Variants in DOCK4 observed in about 807,000 individuals in gnomAD.
The protein encoded by DOCK4 is dedicator of cytokinesis 4, also known as dedicator of cytokinesis protein 4.
In DOCK4, 97 loss-of-function variants were observed where a neutral mutation model predicts 268.1. That is an observed-to-expected ratio of 0.36 (90% CI 0.31 to 0.43). The LOEUF (loss-of-function observed/expected upper bound fraction) is 0.43. Among genes scored for constraint, DOCK4 ranks in the 20% least tolerant of loss-of-function variants. The pLI is 1.00. For synonymous variants in DOCK4, 954 were observed against 887.2 expected, an observed-to-expected ratio of 1.08 and a Z score of -1.34; for missense variants, 2,145 against 2,455.7, an observed-to-expected ratio of 0.87 and a Z score of 2.67.
At chr7:111,776,968 C>T (rs1798483648) in intron 36 of DOCK4, among the ~76,000 whole-genome samples, 2 of 152,128 alleles carry the variant, frequency 1.3e-5, no homozygotes, top group Non-Finnish European at 2.9e-5. Context: ...AGACATGTGC[C>T]ACCATGACGG....
intron 1 of DOCK4, among the ~76,000 whole-genome samples, chr7:112,135,354 A>G (rs1364759503): frequency 2.0e-5 from 3 of 152,134 alleles, no homozygotes; most frequent in African/African-American, 7.2e-5. Context: ...GCATCTATCT[A>G]TTCTTACTTC....
rs1795071613 is a variant in DOCK4 at position 111,939,966 on chromosome 7, A to G, written c.977+144T>C. The stretch of plus-strand genomic sequence containing the variant: ...GTGGCTTGTAGGCTCACTTGCAACA[A>G]GTCTACAGATTACTGGGTTTTTGAG... On this transcript the variant is annotated intron_variant, in intron 11 of 52. Coordinates refer to ENST00000428084, the MANE Select transcript of DOCK4 (RefSeq NM_001363540.2). 24 of 794,660 alleles carry G rather than the reference A, an allele frequency of 3.0e-5. No homozygotes were observed. The South Asian group carries it at 4.1e-4, about 14-fold the overall frequency. The allele number at this position is 794,660 out of a possible 1,614,324, so 49.2% of individuals were successfully genotyped here. A position where few individuals can be genotyped will look rare whatever the true frequency, so the allele number is the denominator to read the frequency against.
chr7:112,132,045 A>G (rs1813857407), intron 1 of DOCK4, among the ~76,000 whole-genome samples: 1 of 152,224 alleles, frequency 6.6e-6, no homozygotes, highest in Admixed American at 6.5e-5. Context: ...GGGCAGATTT[A>G]TTAATATCTG....
intron 8 of DOCK4, among the ~76,000 whole-genome samples, chr7:111,957,467 C>T (rs2134943400): frequency 6.6e-6 from 1 of 152,172 alleles, no homozygotes; most frequent in Middle Eastern, 3.4e-3. Flanking sequence ...CAAGTAAAAT[C>T]CTTAGAGGTA....
chr7:111,783,564 A>G (rs1052544128), intron 34 of DOCK4, among the ~76,000 whole-genome samples: 117 of 150,510 alleles, frequency 7.8e-4, no homozygotes, highest in Middle Eastern at 3.4e-3. Context: ...ATACCAAAAT[A>G]AAGATTTTTT....
At position 111,741,653 on chromosome 7, in the gene DOCK4, A is replaced by G; in HGVS notation, c.4806T>C (p.Ser1602=). Residue 1602 remains serine (S), a synonymous_variant, in exon 46 of 53, where the codon TCT becomes TCC. Coordinates refer to ENST00000428084, the MANE Select transcript of DOCK4 (RefSeq NM_001363540.2). The part of the protein sequence containing the change: ...MKSSLGIQEF[S]ACMQASPVHF... ...GGACAGGACTGGCTTGCATACAAGC[A>G]GAGAACTCCTAAAGATGTAGTAAAG... is the stretch of plus-strand genomic sequence containing the variant. The G allele has an allele frequency of 6.2e-7, 1 of 1,612,748 alleles. No individual in the cohort carries two copies. Among genetic ancestry groups the G allele is most frequent in the Non-Finnish European group, 8.5e-7 (1 of 1,179,536 alleles).
Position 111,758,681 on chromosome 7 carries a change from T to A in DOCK4, c.4272A>T (p.Lys1424Asn). The change falls in exon 41 of 53, where the codon AAA becomes AAT. Residue 1424 changes from lysine (K) to asparagine (N), a missense_variant. Physicochemically the swap from Lys to Asn is moderately conservative, Grantham distance 94. Coordinates refer to ENST00000428084, the MANE Select transcript of DOCK4 (RefSeq NM_001363540.2). ...KSFYKVNHIW[K>N]FRYDRPFHKG... ...TGTGAAATGGTCGGTCATAGCGGAA[T>A]TTCCAGATGTGATTCACTTTATAGA... The A allele has an allele frequency of 6.2e-7, 1 of 1,613,980 alleles. No homozygotes were observed. Among genetic ancestry groups the A allele is most frequent in the South Asian group, 1.1e-5 (1 of 91,064 alleles).
intron 1 of DOCK4, among the ~76,000 whole-genome samples, chr7:112,115,291 C>T (rs1812028297): frequency 6.6e-6 from 1 of 152,160 alleles, no homozygotes; most frequent in African/African-American, 2.4e-5. Flanking sequence ...AGGGCCTAGC[C>T]TAGGAATAGA....
At chr7:112,097,145 G>A (rs146756671) in intron 1 of DOCK4, among the ~76,000 whole-genome samples, 1 of 152,274 alleles carries the variant, frequency 6.6e-6, no homozygotes, top group East Asian at 1.9e-4. Context: ...TGATAGAGGA[G>A]TACTGGTACC....
chr7:112,143,776 T>C (rs1325763784), intron 1 of DOCK4, among the ~76,000 whole-genome samples: 2 of 152,204 alleles, frequency 1.3e-5, no homozygotes, highest in African/African-American at 4.8e-5. Context: ...CCATCTCCTC[T>C]AGGAAGCCTG....
At chr7:112,194,164 T>C (rs1373995171) in intron 1 of DOCK4, among the ~76,000 whole-genome samples, 3 of 152,198 alleles carry the variant, frequency 2.0e-5, no homozygotes, top group East Asian at 1.9e-4. Context: ...TATTCTGTAA[T>C]TGCTAAATAA....
intron 27 of DOCK4, among the ~76,000 whole-genome samples, chr7:111,816,086 T>C (rs1801531543): frequency 6.6e-6 from 1 of 152,160 alleles, no homozygotes; most frequent in African/African-American, 2.4e-5. Context: ...GGTTTTCCAG[T>C]TGCCACCTCA....
At chr7:111,914,394 T>C (rs1792407763) in intron 13 of DOCK4, among the ~76,000 whole-genome samples, 1 of 152,168 alleles carries the variant, frequency 6.6e-6, no homozygotes, top group Admixed American at 6.5e-5. Flanking sequence ...CACACCTCTG[T>C]TCCAAACCCT....
At position 111,778,283 on chromosome 7, in the gene DOCK4, G is replaced by C; in HGVS notation, c.3672C>G (p.Asn1224Lys). The C allele has an allele frequency of 2.5e-6, 4 of 1,608,424 alleles. No homozygotes were observed. The highest frequency in any genetic ancestry group is 3.4e-6 in the Non-Finnish European group (4 of 1,175,164). The part of the protein sequence containing the change: ...KLYDLHLKAQ[N>K]FTEAAYTLLL... ...GCCAAAAGACAGAATTACCTGTAAA[G>C]TTCTGTGCTTTGAGATGCAGATCAT... The change falls in exon 36 of 53, where the codon AAC becomes AAG. Residue 1224 changes from asparagine (N) to lysine (K), a missense_variant. Asn to Lys is a moderately conservative substitution (Grantham distance 94). Coordinates refer to ENST00000428084, the MANE Select transcript of DOCK4 (RefSeq NM_001363540.2).
intron 1 of DOCK4, among the ~76,000 whole-genome samples, chr7:112,165,561 CGT>C (rs1205055455): frequency 1.1e-4 from 8 of 72,034 alleles, no homozygotes; most frequent in African/African-American, 2.7e-4. Flanking sequence ...TGTGTGTGTG[CGT>C]GTGTGTGTGT....
intron 1 of DOCK4, among the ~76,000 whole-genome samples, chr7:112,032,290 C>T (rs953519951): frequency 6.6e-6 from 1 of 152,106 alleles, no homozygotes; most frequent in East Asian, 1.9e-4. Flanking sequence ...AAGTTCTGTG[C>T]CATCTTCAAC....
intron 1 of DOCK4, among the ~76,000 whole-genome samples, chr7:112,080,084 T>A (rs538297140): frequency 2.6e-5 from 4 of 152,210 alleles, no homozygotes; most frequent in South Asian, 2.1e-4. Flanking sequence ...TAGAAAAATT[T>A]AAAAAAATAC....
intron 26 of DOCK4, among the ~76,000 whole-genome samples, chr7:111,830,536 G>C (rs56718846): frequency 0.018 from 2,669 of 152,152 alleles, 77 homozygotes; most frequent in African/African-American, 0.061. Flanking sequence ...TTCATTCTTA[G>C]ACTGGGAAAG....
In DOCK4 at chr7:111,923,560, T is replaced by C. The variant is rs144531871; in HGVS notation, c.1067-7656A>G. Among the ~76,000 whole-genome samples the C allele has an allele frequency of 6.5e-3, 986 of 152,358 alleles. 14 individuals are homozygous for C. The highest frequency in any genetic ancestry group is 0.023 in the African/African-American group (942 of 41,582). ...GCTTATAACTTTCACTTCTTTTATC[T>C]GGGCATTTTATCCTCTGCAAAAGTT... On this transcript the variant is annotated intron_variant, in intron 12 of 52. Coordinates refer to ENST00000428084, the MANE Select transcript of DOCK4 (RefSeq NM_001363540.2).
Sources: allele counts gnomAD v4.1 joint callset (sites outside exome capture counted in the v4.1 genomes callset), GRCh38; gene constraint gnomAD v4.1.1; transcripts MANE v1.5; gene names NCBI Gene and HGNC (gene_info 2026-07-23, HGNC 2026-07-21).